Variants in CAMTA1 observed in about 807,000 individuals in gnomAD.
CAMTA1 encodes calmodulin-binding transcription activator 1.
Under a neutral mutation model 170.9 loss-of-function variants are expected in CAMTA1, and 27 were observed. The observed-to-expected ratio is 0.16, with a 90% CI of 0.12 to 0.22. The LOEUF (loss-of-function observed/expected upper bound fraction) is 0.22. Among genes scored for constraint, CAMTA1 ranks in the 10% least tolerant of loss-of-function variants. CAMTA1 has a pLI of 1.00. For synonymous variants in CAMTA1, 833 were observed against 891.5 expected, an observed-to-expected ratio of 0.93 and a Z score of 1.17; for missense variants, 1,619 against 2,217.2, an observed-to-expected ratio of 0.73 and a Z score of 5.42.
intron 3 of CAMTA1, among the ~76,000 whole-genome samples, chr1:7,055,043 C>T (rs1381879427): frequency 1.3e-5 from 2 of 152,126 alleles, no homozygotes; most frequent in Non-Finnish European, 2.9e-5. Flanking sequence ...GCGAAACTCA[C>T]TCGCTGTCAC....
At chr1:7,190,830 G>A (rs1414421105) in intron 4 of CAMTA1, among the ~76,000 whole-genome samples, 1 of 152,074 alleles carries the variant, frequency 6.6e-6, no homozygotes, top group Non-Finnish European at 1.5e-5. Flanking sequence ...TAGTTTCCCA[G>A]AAAACTACAC....
At chr1:7,119,945 C>G (rs571755431) in intron 4 of CAMTA1, among the ~76,000 whole-genome samples, 1 of 152,100 alleles carries the variant, frequency 6.6e-6, no homozygotes. Flanking sequence ...GGGCTGAACT[C>G]CCCCAAGGAA....
chr1:7,169,211 G>A (rs1005816551), intron 4 of CAMTA1, among the ~76,000 whole-genome samples: 10 of 152,130 alleles, frequency 6.6e-5, no homozygotes, highest in South Asian at 6.2e-4. Flanking sequence ...GGAGTTTTGC[G>A]TCTATGTTCA....
At chr1:6,942,829 G>A (rs575183275) in intron 3 of CAMTA1, among the ~76,000 whole-genome samples, 126 of 152,308 alleles carry the variant, frequency 8.3e-4, no homozygotes, top group African/African-American at 3.0e-3. Context: ...CAGCTGTGAT[G>A]GGCAGCACGG....
chr1:7,408,658 A>G (rs1360989121), intron 5 of CAMTA1, among the ~76,000 whole-genome samples: 1 of 152,186 alleles, frequency 6.6e-6, no homozygotes, highest in African/African-American at 2.4e-5. Context: ...GTGGGCATGC[A>G]TGGCTATCAG....
intron 5 of CAMTA1, among the ~76,000 whole-genome samples, chr1:7,312,672 C>T (rs1676911065): frequency 6.6e-6 from 1 of 152,214 alleles, no homozygotes; most frequent in East Asian, 1.9e-4. Context: ...AGGTGCTGTC[C>T]TCTCTGTCCC....
chr1:7,515,347 A>G (rs2094268766), intron 6 of CAMTA1, among the ~76,000 whole-genome samples: 1 of 152,200 alleles, frequency 6.6e-6, no homozygotes, highest in African/African-American at 2.4e-5. Flanking sequence ...AGCATTGCCT[A>G]AGTCTCGGAC....
Position 7,041,887 on chromosome 1 carries a change from C to A in CAMTA1, c.235-49417C>A, listed in dbSNP as rs1204726126. On this transcript the variant is annotated intron_variant, in intron 3 of 22. Coordinates refer to ENST00000303635, the MANE Select transcript of CAMTA1 (RefSeq NM_015215.4). This position sits in a 1 kb window ranked among gnomAD's most constrained non-coding sequence, Gnocchi z 5.1. ...TTGACTGAAGCCTCCACACTATGGA[C>A]AGACCAAGTGGTGGCAATAATGTGT... Among the ~76,000 whole-genome samples the A allele has an allele frequency of 1.3e-5, 2 of 152,202 alleles. No individual in the cohort carries two copies. Among genetic ancestry groups the A allele is most frequent in the Non-Finnish European group, 2.9e-5 (2 of 68,042 alleles).
chr1:7,079,638 A>AT (rs60401781), intron 3 of CAMTA1, among the ~76,000 whole-genome samples: 197 of 144,410 alleles, frequency 1.4e-3, no homozygotes, highest in African/African-American at 1.3e-3. Flanking sequence ...CGCCTGGCTA[A>AT]TTTTTTTTTT....
At chr1:7,442,610 C>G (rs2092574268) in intron 5 of CAMTA1, among the ~76,000 whole-genome samples, 1 of 152,124 alleles carries the variant, frequency 6.6e-6, no homozygotes, top group African/African-American at 2.4e-5. Flanking sequence ...CAGAGCAGCC[C>G]TGGGTGCAAA....
At chr1:6,905,086 T>C (rs1216571287) in intron 3 of CAMTA1, among the ~76,000 whole-genome samples, 2 of 152,076 alleles carry the variant, frequency 1.3e-5, no homozygotes, top group Non-Finnish European at 2.9e-5. Flanking sequence ...CCATAAATTC[T>C]GCCTGTGAAC....
intron 3 of CAMTA1, among the ~76,000 whole-genome samples, chr1:6,943,335 G>C (rs949692717): frequency 6.6e-6 from 1 of 151,944 alleles, no homozygotes; most frequent in Admixed American, 6.6e-5. Context: ...CTACCTTGGG[G>C]CTGCTACAGT....
intron 5 of CAMTA1, among the ~76,000 whole-genome samples, chr1:7,461,728 A>G (rs894880618): frequency 2.0e-5 from 3 of 152,266 alleles, no homozygotes; most frequent in African/African-American, 7.2e-5. Context: ...AGGAAACAGC[A>G]TAAAAGGGGC....
intron 11 of CAMTA1, among the ~76,000 whole-genome samples, chr1:7,731,322 C>G (rs2096731497): frequency 1.3e-5 from 2 of 151,932 alleles, no homozygotes; most frequent in Non-Finnish European, 2.9e-5. Flanking sequence ...GCTTGTAATC[C>G]CAGCAGTTTG....
At chr1:6,986,749 A>T (rs1283050947) in intron 3 of CAMTA1, among the ~76,000 whole-genome samples, 1 of 151,962 alleles carries the variant, frequency 6.6e-6, no homozygotes, top group Non-Finnish European at 1.5e-5. Flanking sequence ...TGTACCTGGT[A>T]CCAAGTGGGT....
chr1:7,401,004 A>T (rs1160022437), intron 5 of CAMTA1, among the ~76,000 whole-genome samples: 1 of 152,172 alleles, frequency 6.6e-6, no homozygotes, highest in Non-Finnish European at 1.5e-5. Flanking sequence ...TCTTTCAAAG[A>T]ATAGGTGTTC....
At chr1:7,756,469 AG>A (rs955211011) in intron 22 of CAMTA1, among the ~76,000 whole-genome samples, 2 of 152,220 alleles carry the variant, frequency 1.3e-5, no homozygotes, top group African/African-American at 4.8e-5. Flanking sequence ...GTTTGTAAGC[AG>A]GGCAAAAGGC....
chr1:7,136,009 A>G (rs570431284), intron 4 of CAMTA1, among the ~76,000 whole-genome samples: 17 of 152,298 alleles, frequency 1.1e-4, no homozygotes, highest in Middle Eastern at 3.4e-3. Context: ...CTGAAGGCTT[A>G]TATCTCGCAG....
intron 5 of CAMTA1, among the ~76,000 whole-genome samples, chr1:7,442,434 ATGC>A (rs1481502032): frequency 2.0e-5 from 3 of 152,162 alleles, no homozygotes; most frequent in African/African-American, 7.2e-5. Context: ...ATAACGAAAT[ATGC>A]ATAGATGAGC....
Sources: allele counts gnomAD v4.1 joint callset (sites outside exome capture counted in the v4.1 genomes callset), GRCh38; gene constraint gnomAD v4.1.1; non-coding constraint Gnocchi (gnomAD v3.1); transcripts MANE v1.5; gene names NCBI Gene and HGNC (gene_info 2026-07-23, HGNC 2026-07-21).